Variants in HNF4A observed in about 807,000 individuals in gnomAD.
HNF4A encodes hepatocyte nuclear factor 4-alpha.
A neutral mutation model predicts 52.4 loss-of-function variants in HNF4A; 15 were observed. The observed-to-expected ratio is 0.29, with a 90% CI of 0.19 to 0.44. HNF4A has a LOEUF of 0.44. Ranked by LOEUF, HNF4A falls within the 20% of genes least tolerant of loss-of-function variation. The probability of loss-of-function intolerance (pLI) is 1.00; values close to 1 mark genes in which losing one functional copy is unlikely to be tolerated. For synonymous variants in HNF4A, 280 were observed against 264.4 expected (o/e 1.06, Z -0.57); for missense variants, 479 against 647.2 (o/e 0.74, Z 2.82).
chr20:44,412,630 G>A (rs550776996), intron 3 of HNF4A, among the ~76,000 whole-genome samples: 1 of 152,238 alleles, frequency 6.6e-6, no homozygotes, highest in African/African-American at 2.4e-5. Flanking sequence ...TCTCTGAGAG[G>A]AACACAGACT....
intron 8 of HNF4A, chr20:44,424,461 G>A (rs772236217): frequency 6.8e-5 from 69 of 1,012,702 alleles, no homozygotes; most frequent in African/African-American, 4.3e-4. Flanking sequence ...AACCTAGCAC[G>A]TGCCAGTCAC....
At chr20:44,421,896 T>C (rs1003570576) in intron 7 of HNF4A, among the ~76,000 whole-genome samples, 1 of 148,170 alleles carries the variant, frequency 6.7e-6, no homozygotes, top group South Asian at 2.1e-4. Flanking sequence ...TATAGTGATA[T>C]ATATTATATA....
intron 1 of HNF4A, among the ~76,000 whole-genome samples, chr20:44,379,222 C>T (rs2063122660): frequency 6.6e-6 from 1 of 152,080 alleles, no homozygotes; most frequent in Non-Finnish European, 1.5e-5. Flanking sequence ...GTTGCCTGTA[C>T]CTTTTGGCTA....
chr20:44,425,277 C>T (rs2063801961), intron 8 of HNF4A, among the ~76,000 whole-genome samples: 1 of 152,214 alleles, frequency 6.6e-6, no homozygotes. Flanking sequence ...GCCGCCACAC[C>T]CATCCCAGAC....
At chr20:44,360,329 C>G (rs1223844687) in intron 1 of HNF4A, among the ~76,000 whole-genome samples, 1 of 151,936 alleles carries the variant, frequency 6.6e-6, no homozygotes, top group Non-Finnish European at 1.5e-5. Context: ...ATGGATGAGA[C>G]AAATGAATGA....
intron 9 of HNF4A, among the ~76,000 whole-genome samples, chr20:44,429,145 G>T (rs2063846412): frequency 6.6e-6 from 1 of 152,172 alleles, no homozygotes; most frequent in Non-Finnish European, 1.5e-5. Context: ...CTGGTCCGGG[G>T]TTTCATCAAC....
intron 4 of HNF4A, 72 bp from the exon 5 acceptor site, chr20:44,414,434 GC>G: frequency 6.3e-7 from 1 of 1,598,094 alleles, no homozygotes; most frequent in Non-Finnish European, 8.6e-7. Flanking sequence ...CAGGGAGGGG[GC>G]TCTGTGCAGG....
intron 8 of HNF4A, among the ~76,000 whole-genome samples, chr20:44,425,953 C>T (rs560055585): frequency 6.0e-4 from 91 of 152,278 alleles, no homozygotes; most frequent in Admixed American, 5.4e-3. Flanking sequence ...AGCCACCATG[C>T]CCAGCCTCAT....
At chr20:44,374,743 C>T (rs1207003722) in intron 1 of HNF4A, among the ~76,000 whole-genome samples, 1 of 152,282 alleles carries the variant, frequency 6.6e-6, no homozygotes, top group Non-Finnish European at 1.5e-5. Flanking sequence ...GGATTACAGG[C>T]GTGAGCCACT....
intron 1 of HNF4A, among the ~76,000 whole-genome samples, chr20:44,388,732 G>C (rs1480444889): frequency 6.6e-6 from 1 of 152,200 alleles, no homozygotes; most frequent in Non-Finnish European, 1.5e-5. Context: ...GCAGCACTGC[G>C]GAGAGTCTTG....
chr20:44,409,005 G>A (rs928887075), intron 3 of HNF4A, among the ~76,000 whole-genome samples: 1 of 151,898 alleles, frequency 6.6e-6, no homozygotes, highest in African/African-American at 2.4e-5. Context: ...TCTTTCCCCT[G>A]TATCTGCTCC....
At chr20:44,379,871 T>C (rs1049175779) in intron 1 of HNF4A, among the ~76,000 whole-genome samples, 9 of 151,916 alleles carry the variant, frequency 5.9e-5, no homozygotes, top group African/African-American at 1.9e-4. Flanking sequence ...GTAGCTGGGA[T>C]TACAGATGCA....
intron 1 of HNF4A, among the ~76,000 whole-genome samples, chr20:44,405,213 G>T (rs1043886745): frequency 1.3e-5 from 2 of 152,140 alleles, no homozygotes; most frequent in Non-Finnish European, 2.9e-5. Context: ...TTTGCTGAAA[G>T]ATTTGCTGAC....
intron 3 of HNF4A, among the ~76,000 whole-genome samples, chr20:44,411,432 C>T (rs1316010559): frequency 1.3e-5 from 2 of 152,146 alleles, no homozygotes; most frequent in African/African-American, 2.4e-5. Flanking sequence ...GAGCCCTATC[C>T]GCAGCTGCTG....
At chr20:44,368,053 C>CT (rs558557390) in intron 1 of HNF4A, among the ~76,000 whole-genome samples, 35 of 103,764 alleles carry the variant, frequency 3.4e-4, no homozygotes, top group East Asian at 1.5e-3. Context: ...GGAAGATGGG[C>CT]TTTTTTTTTT....
chr20:44,368,297 G>C (rs1282947333), intron 1 of HNF4A, among the ~76,000 whole-genome samples: 2 of 149,222 alleles, frequency 1.3e-5, no homozygotes, highest in Non-Finnish European at 3.0e-5. Flanking sequence ...TTCCTGAGTG[G>C]CTGGGATTAC....
At position 44,424,190 on chromosome 20, in the gene HNF4A, C is replaced by A; in HGVS notation, c.1065C>A (p.Ile355=). 1 of 1,614,050 alleles carries A rather than the reference C, an allele frequency of 6.2e-7. No individual in the cohort carries two copies. The highest frequency in any genetic ancestry group is 8.5e-7 in the Non-Finnish European group (1 of 1,180,018). ...TCACCTGGCAGATGATCGAGCAGAT[C>A]CAGTTCATCAAGCTCTTCGGCATGG... Residue 355 remains isoleucine (I), a synonymous_variant, in exon 8 of 10, where the codon ATC becomes ATA. Coordinates refer to ENST00000316099, the MANE Select transcript of HNF4A (RefSeq NM_000457.6).
intron 1 of HNF4A, among the ~76,000 whole-genome samples, chr20:44,381,709 C>T (rs2063156331): frequency 6.6e-6 from 1 of 152,312 alleles, no homozygotes. Flanking sequence ...CTCCCAGGTT[C>T]AAGTGATTCT....
At chr20:44,413,547 G>A in intron 3 of HNF4A, 147 bp from the exon 4 acceptor site, 1 of 701,672 alleles carries the variant, frequency 1.4e-6, no homozygotes, top group East Asian at 2.7e-5. Context: ...CTGAGTTAGA[G>A]GCCATCTCCC....
Sources: gnomAD v4.1 joint callset for allele counts (sites outside exome capture counted in the v4.1 genomes callset) on GRCh38, gnomAD v4.1.1 for gene constraint, MANE v1.5 for transcripts, NCBI Gene and HGNC (gene_info 2026-07-23, HGNC 2026-07-21) for gene names.